The following TNFAIP8 variants were observed in gnomAD, a reference collection of about 807,000 sequenced individuals.
TNFAIP8 encodes tumor necrosis factor alpha-induced protein 8.
Under a neutral mutation model 13.3 loss-of-function variants are expected in TNFAIP8, and 7 were observed. The observed-to-expected ratio is 0.52, with a 90% confidence interval of 0.30 to 0.99. The LOEUF is 0.99. TNFAIP8 is among the 50% of genes least tolerant of loss of function. TNFAIP8 has a pLI of 0.07. For synonymous variants in TNFAIP8, 94 were observed against 87.6 expected (o/e 1.07, Z -0.41); for missense variants, 258 against 236.9 (o/e 1.09, Z -0.58).
intron 1 of TNFAIP8, among the ~76,000 whole-genome samples, chr5:119,376,894 T>C (rs945388150): frequency 2.0e-5 from 3 of 152,192 alleles, no homozygotes; most frequent in African/African-American, 7.2e-5. Flanking sequence ...TGTCGCCTTT[T>C]CGGAAAGGCC....
At chr5:119,284,104 A>G (rs762268302) in intron 1 of TNFAIP8, among the ~76,000 whole-genome samples, 108 of 152,218 alleles carry the variant, frequency 7.1e-4, no homozygotes, top group Non-Finnish European at 9.8e-4. Flanking sequence ...GCAGTTTGAA[A>G]TAAGTTCTAT....
intron 1 of TNFAIP8, among the ~76,000 whole-genome samples, chr5:119,362,298 G>A (rs1287471414): frequency 1.3e-5 from 2 of 152,234 alleles, no homozygotes; most frequent in Non-Finnish European, 2.9e-5. Context: ...GTGGAGAGCA[G>A]TGATCATGGT....
intron 1 of TNFAIP8, among the ~76,000 whole-genome samples, chr5:119,337,419 C>T (rs1750590426): frequency 6.6e-6 from 1 of 152,134 alleles, no homozygotes; most frequent in South Asian, 2.1e-4. Flanking sequence ...AATTGCCTGT[C>T]ACTAGAACCT....
At position 119,399,172 on chromosome 5, in the gene TNFAIP8, A is replaced by AT. The variant is rs1261665477; in HGVS notation, c.*5795dup. The AT allele has an allele frequency of 6.6e-6, 1 of 152,114 alleles. No homozygotes were observed. Among genetic ancestry groups the AT allele is most frequent in the African/African-American group, 2.4e-5 (1 of 41,410 alleles). 9.4% of individuals were successfully genotyped at this position (152,114 alleles called of 1,614,324 possible). A position where few individuals can be genotyped will look rare whatever the true frequency, so the allele number is the denominator to read the frequency against. ...TCCACGAGTGGAAACGTTCCATGGT[A>AT]TTTTCAAACGCCACGTGTCAGGAAT... On this transcript the variant is annotated 3_prime_UTR_variant, in exon 2 of 2. Transcript: ENST00000504771.
At chr5:119,364,638 G>A (rs903246868) in intron 1 of TNFAIP8, among the ~76,000 whole-genome samples, 1 of 152,014 alleles carries the variant, frequency 6.6e-6, no homozygotes, top group African/African-American at 2.4e-5. Context: ...ATGAGCCACC[G>A]CGCCCAGTTA....
At chr5:119,325,518 G>GC (rs1474451297) in intron 1 of TNFAIP8, among the ~76,000 whole-genome samples, 4 of 152,226 alleles carry the variant, frequency 2.6e-5, no homozygotes, top group Admixed American at 2.6e-4. Flanking sequence ...TGCGATCTCA[G>GC]CTCACTGCAA....
chr5:119,369,984 A>C (rs1752012961), intron 1 of TNFAIP8, among the ~76,000 whole-genome samples: 1 of 152,226 alleles, frequency 6.6e-6, no homozygotes, highest in Non-Finnish European at 1.5e-5. Flanking sequence ...ATTGTCTTTC[A>C]AATTTGGTCC....
intron 1 of TNFAIP8, among the ~76,000 whole-genome samples, chr5:119,370,297 A>G (rs1411457039): frequency 6.6e-6 from 1 of 152,206 alleles, no homozygotes; most frequent in East Asian, 1.9e-4. Context: ...GAAGAGAAAG[A>G]TATTACTTGA....
At chr5:119,364,129 C>T (rs1248125972) in intron 1 of TNFAIP8, among the ~76,000 whole-genome samples, 1 of 152,160 alleles carries the variant, frequency 6.6e-6, no homozygotes, top group Non-Finnish European at 1.5e-5. Context: ...GTCTCCCCTG[C>T]CCAGAGTGGG....
intron 1 of TNFAIP8, among the ~76,000 whole-genome samples, chr5:119,294,201 C>G (rs1056105049): frequency 6.8e-6 from 1 of 147,852 alleles, no homozygotes; most frequent in Non-Finnish European, 1.5e-5. Flanking sequence ...CCCCCCTCCC[C>G]CCAACCCACA....
intron 1 of TNFAIP8, among the ~76,000 whole-genome samples, chr5:119,380,428 G>A (rs538536228): frequency 2.6e-4 from 39 of 152,300 alleles, no homozygotes; most frequent in Admixed American, 1.6e-3. Context: ...CAAGAGTCAG[G>A]GCCTCTGGCA....
chr5:119,356,306 C>T (rs1403448043), intron 1 of TNFAIP8, among the ~76,000 whole-genome samples, 185 bp downstream of exon 1: 1 of 152,138 alleles, frequency 6.6e-6, no homozygotes. Context: ...CTCCCTTCTC[C>T]CCCCGCAGCC....
intron 1 of TNFAIP8, among the ~76,000 whole-genome samples, chr5:119,368,974 C>A (rs1751973197): frequency 6.6e-6 from 1 of 152,006 alleles, no homozygotes; most frequent in African/African-American, 2.4e-5. Context: ...CCCTAAATAC[C>A]CTATACCTGT....
chr5:119,335,532 C>T (rs753011201), intron 1 of TNFAIP8, among the ~76,000 whole-genome samples: 2 of 152,040 alleles, frequency 1.3e-5, no homozygotes, highest in Non-Finnish European at 2.9e-5. Context: ...CATGTGGTTA[C>T]AGAGTCCATC....
chr5:119,330,301 T>A (rs1750337289), intron 1 of TNFAIP8, among the ~76,000 whole-genome samples: 1 of 152,228 alleles, frequency 6.6e-6, no homozygotes, highest in African/African-American at 2.4e-5. Context: ...ACATTTCCAG[T>A]TCTGTCTGAG....
At chr5:119,368,328 C>T (rs1751942853) in intron 1 of TNFAIP8, among the ~76,000 whole-genome samples, 1 of 151,378 alleles carries the variant, frequency 6.6e-6, no homozygotes, top group Non-Finnish European at 1.5e-5. Flanking sequence ...TAAGTTCATA[C>T]TTTTTTTGCT....
At chr5:119,295,807 T>C (rs1051316828) in intron 1 of TNFAIP8, among the ~76,000 whole-genome samples, 34 of 152,192 alleles carry the variant, frequency 2.2e-4, no homozygotes, top group African/African-American at 8.2e-4. Flanking sequence ...TTATTTCATT[T>C]AGCAGTGGTT....
chr5:119,368,943 T>C (rs779232992), intron 1 of TNFAIP8, among the ~76,000 whole-genome samples: 2 of 152,116 alleles, frequency 1.3e-5, no homozygotes, highest in Admixed American at 6.5e-5. Flanking sequence ...TCCGGCCTTT[T>C]GAAAATACTG....
intron 1 of TNFAIP8, among the ~76,000 whole-genome samples, chr5:119,324,733 T>TA (rs891085140): frequency 1.4e-4 from 20 of 145,144 alleles, no homozygotes; most frequent in Admixed American, 2.7e-4. Context: ...ATTTGACCAA[T>TA]AAAAAAAAAA....
Sources: allele counts gnomAD v4.1 joint callset (sites outside exome capture counted in the v4.1 genomes callset), GRCh38; gene constraint gnomAD v4.1.1; transcripts MANE v1.5; gene names NCBI Gene and HGNC (gene_info 2026-07-23, HGNC 2026-07-21).